Variants in NEK9 observed in about 807,000 individuals in gnomAD.
NEK9 encodes NIMA related kinase 9.
A neutral mutation model predicts 123.4 loss-of-function variants in NEK9; 75 were observed. The ratio of observed to expected loss-of-function variants is 0.61; its 90% CI spans 0.50 to 0.74. The LOEUF (loss-of-function observed/expected upper bound fraction) is 0.74, where lower values mean the gene tolerates loss of function less well. NEK9 is among the 30% of genes least tolerant of loss of function. The pLI is 0.00. For missense variants in NEK9, 952 were observed against 1,214.4 expected (o/e 0.78, Z 3.21); for synonymous variants, 438 against 458.7 (o/e 0.95, Z 0.58).
chr14:75,080,881 C>G lies in NEK9; in HGVS notation c.*3683G>C, dbSNP rs1321476584. On this transcript the variant is annotated 3_prime_UTR_variant, in exon 22 of 22. Coordinates refer to ENST00000238616, the MANE Select transcript of NEK9 (RefSeq NM_033116.6). Reference sequence around the variant, plus strand: ...GGTCTTGAACTCCTGACCTGCCCACCTCGGCCTCCCAAAGTGCTGGGATTA... The same window carrying G: ...GGTCTTGAACTCCTGACCTGCCCACGTCGGCCTCCCAAAGTGCTGGGATTA... The G allele has an allele frequency of 1.3e-5, 2 of 151,948 alleles. 1 individual carries two copies. Among genetic ancestry groups the G allele is most frequent in the Admixed American group, 1.3e-4 (2 of 15,260 alleles). The allele number at this position is 151,948 out of a possible 1,614,324, so 9.4% of individuals were successfully genotyped here.
intron 3 of NEK9, 198 bp downstream of exon 3, chr14:75,120,921 G>A (rs1298123866): frequency 1.5e-6 from 1 of 669,188 alleles, no homozygotes; most frequent in African/African-American, 1.8e-5. Context: ...GAATCATGAT[G>A]TGGAGGTAAA....
At chr14:75,100,183 A>T (rs1235172606) in intron 16 of NEK9, among the ~76,000 whole-genome samples, 1 of 134,618 alleles carries the variant, frequency 7.4e-6, no homozygotes, top group African/African-American at 2.8e-5. Context: ...ACAATGGCTC[A>T]CGCCTGTAAT....
chr14:75,094,779 C>CA (rs973660398), intron 18 of NEK9, among the ~76,000 whole-genome samples: 6 of 151,230 alleles, frequency 4.0e-5, no homozygotes, highest in Non-Finnish European at 5.9e-5. Flanking sequence ...GACTGTGCCT[C>CA]AAAAAAAATA....
At chr14:75,117,965 T>C (rs867618965) in intron 5 of NEK9, among the ~76,000 whole-genome samples, 2 of 152,204 alleles carry the variant, frequency 1.3e-5, no homozygotes, top group Middle Eastern at 3.2e-3. Flanking sequence ...GCAAAGCAAA[T>C]TTCAGATGGC....
chr14:75,120,926 G>A, intron 3 of NEK9, 193 bp downstream of exon 3: 1 of 674,578 alleles, frequency 1.5e-6, no homozygotes, highest in Non-Finnish European at 2.7e-6. Context: ...ATGATGTGGA[G>A]GTAAAACGTT....
chr14:75,126,480 A>G (rs1000866700), intron 1 of NEK9, among the ~76,000 whole-genome samples: 7 of 152,230 alleles, frequency 4.6e-5, no homozygotes, highest in African/African-American at 1.7e-4. Flanking sequence ...AAAGCTCAAG[A>G]GACGGTTAGG....
At position 75,097,106 on chromosome 14, in the gene NEK9, T is replaced by A; in HGVS notation, c.2167A>T (p.Ile723Phe). The A allele has an allele frequency of 6.2e-7, 1 of 1,605,396 alleles. No individual in the cohort carries two copies. Among genetic ancestry groups the A allele is most frequent in the Non-Finnish European group, 8.5e-7 (1 of 1,175,562 alleles). Residue 723 changes from isoleucine (I) to phenylalanine (F), a missense_variant, in exon 17 of 22, where the codon ATC (isoleucine) becomes TTC (phenylalanine). Physicochemically the swap from Ile to Phe is conservative, Grantham distance 21. Coordinates refer to ENST00000238616, the MANE Select transcript of NEK9 (RefSeq NM_033116.6). ...AGACATATGAAACTCTTACCAACGA[T>A]GAGAATGGTATGCCATCCACGGCAA... The part of the protein sequence containing the change: ...LSCRGWHTIL[I>F]VEKVLNSKTI...
intron 3 of NEK9, 85 bp downstream of exon 3, chr14:75,121,034 C>G: frequency 9.0e-7 from 1 of 1,108,140 alleles, no homozygotes; most frequent in Non-Finnish European, 1.4e-6. Context: ...AAACACTCTT[C>G]ACTATTGGAA....
At chr14:75,092,096 C>T (rs1462065382) in intron 18 of NEK9, among the ~76,000 whole-genome samples, 2 of 151,904 alleles carry the variant, frequency 1.3e-5, no homozygotes, top group Non-Finnish European at 2.9e-5. Context: ...TCTCCTGTCT[C>T]AGCCTCCCGA....
chr14:75,124,243 T>C lies in NEK9; in HGVS notation c.220-20A>G, dbSNP rs374609389. 19 of 1,604,174 alleles carry C rather than the reference T, an allele frequency of 1.2e-5. No homozygotes were observed. In the African/African-American group the frequency reaches 2.4e-4, roughly 20 times the overall value. Reference sequence around the variant, plus strand: ...GTCATCCTAAACACAGTAACAGAGGTATCGTGCTTTTCCTCTTGCCTGGCA... The same window carrying C: ...GTCATCCTAAACACAGTAACAGAGGCATCGTGCTTTTCCTCTTGCCTGGCA... On this transcript the variant is annotated intron_variant, in intron 1 of 21. Coordinates refer to ENST00000238616, the MANE Select transcript of NEK9 (RefSeq NM_033116.6).
In NEK9 at chr14:75,109,795, TG is replaced by T; in HGVS notation, c.1071del (p.Thr358ProfsTer37). 6.2e-7 allele frequency: 1 copy of T among 1,613,804 alleles called. No homozygotes were observed. The highest frequency in any genetic ancestry group is 8.5e-7 in the Non-Finnish European group (1 of 1,179,906). On this transcript the variant is annotated frameshift_variant, in exon 10 of 22. Coordinates refer to ENST00000238616, the MANE Select transcript of NEK9 (RefSeq NM_033116.6). LOFTEE classifies it high-confidence loss of function. ...TTGATAACATCCAGTTTCTGGGGGGTGGATTTTCCACCACCCCAAACATAGA... is the reference window on the plus strand; with the variant it reads ...TTGATAACATCCAGTTTCTGGGGGGTGATTTTCCACCACCCCAAACATAGA... The part of the protein sequence containing the change: ...SEVYVWGGGK[S>X]TPQKLDVIKS...
chr14:75,104,072 A>C, intron 13 of NEK9, 75 bp from the exon 14 acceptor site: 1 of 1,424,372 alleles, frequency 7.0e-7, no homozygotes, highest in Non-Finnish European at 9.5e-7. Context: ...AAATTCTTTC[A>C]AAAGAGACAT....
chr14:75,118,603 A>G (rs953346459), intron 5 of NEK9, among the ~76,000 whole-genome samples: 1 of 152,238 alleles, frequency 6.6e-6, no homozygotes, highest in Non-Finnish European at 1.5e-5. Flanking sequence ...CTGCTTTTAG[A>G]TAAGTCCCTA....
chr14:75,102,078 C>T (rs185827653), intron 14 of NEK9, among the ~76,000 whole-genome samples: 32 of 152,256 alleles, frequency 2.1e-4, no homozygotes, highest in Admixed American at 2.0e-3. Flanking sequence ...TTGACATTTA[C>T]CTTGGTTATA....
At position 75,084,678 on chromosome 14, in the gene NEK9, C is replaced by T. The variant is rs1893965717; in HGVS notation, c.2826G>A (p.Met942Ile). 1.9e-6 allele frequency: 3 copies of T among 1,613,924 alleles called. No homozygotes were observed. Among genetic ancestry groups the T allele is most frequent in the Admixed American group, 1.7e-5 (1 of 59,998 alleles). The change falls in exon 22 of 22, where the codon ATG becomes ATA. Residue 942 changes from methionine to isoleucine, a missense_variant. This residue lies in a region of NEK9 where 698 missense variants were observed against 875.6 expected (regional missense o/e 0.80). Transcript: ENST00000238616. The stretch of plus-strand genomic sequence containing the variant: ...TTGCTGTCTGAGTTCCTTTGGAATG[C>T]ATCCCCACCTGTCCGGATAAAACAC... ...KKLEGGQQVG[M>I]HSKGTQTAKE...
At position 75,101,699 on chromosome 14, in the gene NEK9, G is replaced by A. The variant is rs761581625; in HGVS notation, c.1798C>T (p.Arg600Cys). Residue 600 changes from arginine to cysteine, a missense_variant, in exon 15 of 22, where the codon CGT (arginine) becomes TGT (cysteine). Physicochemically the swap from Arg to Cys is radical, Grantham distance 180. Coordinates refer to ENST00000238616, the MANE Select transcript of NEK9 (RefSeq NM_033116.6). Reference sequence around the variant, plus strand: ...TGAGTCTTGCCTGGGGCAATGGTACGGATCTTATAAAAGGACAACTGTTTG... The same window carrying A: ...TGAGTCTTGCCTGGGGCAATGGTACAGATCTTATAAAAGGACAACTGTTTG... ...LAKQLSFYKI[R>C]TIAPGKTHTA... 4.5e-5 allele frequency: 72 copies of A among 1,613,912 alleles called. No individual in the cohort carries two copies. The highest frequency in any genetic ancestry group is 1.6e-4 in the Middle Eastern group (1 of 6,084).
chr14:75,110,978 T>C (rs940426140), intron 8 of NEK9, among the ~76,000 whole-genome samples: 2 of 152,184 alleles, frequency 1.3e-5, no homozygotes, highest in Non-Finnish European at 2.9e-5. Flanking sequence ...ACCTGTACTG[T>C]GATAATACCT....
intron 6 of NEK9, among the ~76,000 whole-genome samples, chr14:75,115,276 T>C (rs1245806096): frequency 1.3e-5 from 2 of 152,052 alleles, no homozygotes; most frequent in Admixed American, 1.3e-4. Flanking sequence ...CCACCATGCC[T>C]GGATAATTTT....
chr14:75,095,885 G>A (rs1346854404), intron 17 of NEK9, among the ~76,000 whole-genome samples: 1 of 152,148 alleles, frequency 6.6e-6, no homozygotes, highest in Non-Finnish European at 1.5e-5. Flanking sequence ...GTGAGACTCT[G>A]TCTCAAAATT....
Sources: allele counts gnomAD v4.1 joint callset (sites outside exome capture counted in the v4.1 genomes callset), GRCh38; gene constraint gnomAD v4.1.1; regional missense constraint gnomAD v4.1.1; transcripts MANE v1.5; gene names NCBI Gene and HGNC (gene_info 2026-07-23, HGNC 2026-07-21).